Variants in SCN9A observed in about 807,000 individuals in gnomAD.
SCN9A encodes the protein sodium channel protein type 9 subunit alpha.
Under a neutral mutation model 187.0 loss-of-function variants are expected in SCN9A, and 131 were observed. The ratio of observed to expected loss-of-function variants is 0.70; its 90% CI spans 0.61 to 0.81. The LOEUF (loss-of-function observed/expected upper bound fraction) is 0.81, where lower values mean the gene tolerates loss of function less well. SCN9A is among the 30% of genes least tolerant of loss of function. The probability of loss-of-function intolerance (pLI) is 0.00; values close to 1 mark genes in which losing one functional copy is unlikely to be tolerated. For missense variants in SCN9A, 2,252 were observed against 2,396.6 expected (o/e 0.94, Z 1.26); for synonymous variants, 809 against 808.6 (o/e 1.00, Z -0.01).
At chr2:166,328,662 G>A (rs1350544512) in intron 1 of SCN9A, among the ~76,000 whole-genome samples, 9 of 152,020 alleles carry the variant, frequency 5.9e-5, no homozygotes. Flanking sequence ...CAAAAAGAAT[G>A]GAAACACAGC....
chr2:166,311,703 C>T lies in SCN9A; in HGVS notation c.54G>A (p.Gln18=). ...GPQSFVHFTK[Q]SLALIEQRIA... is the part of the protein sequence containing the mutation. ...TGCGTTGTTCAATGAGGGCAAGAGACTGTTTTGTGAAATGGACAAAGCTCT... is the reference window on the plus strand; with the variant it reads ...TGCGTTGTTCAATGAGGGCAAGAGATTGTTTTGTGAAATGGACAAAGCTCT... The change falls in exon 2 of 27, where the codon CAG becomes CAA. Residue 18 remains glutamine (Q), a synonymous_variant. Coordinates refer to ENST00000642356, the MANE Select transcript of SCN9A (RefSeq NM_001365536.1). 6.2e-7 allele frequency: 1 copy of T among 1,612,536 alleles called. No individual in the cohort carries two copies. Among genetic ancestry groups the T allele is most frequent in the East Asian group, 2.2e-5 (1 of 44,784 alleles).
chr2:166,225,796 A>G (rs1189325180), intron 24 of SCN9A, among the ~76,000 whole-genome samples: 4 of 152,158 alleles, frequency 2.6e-5, no homozygotes, highest in South Asian at 4.1e-4. Context: ...GCATGTCACT[A>G]TAATGGGAGA....
intron 26 of SCN9A, among the ~76,000 whole-genome samples, chr2:166,200,183 G>A (rs1391701572): frequency 6.7e-6 from 1 of 149,168 alleles, no homozygotes; most frequent in Admixed American, 6.7e-5. Flanking sequence ...ATTTTTAGTA[G>A]AGACGGGGTT....
chr2:166,244,252 T>C (rs1695691126), intron 18 of SCN9A, among the ~76,000 whole-genome samples: 2 of 151,956 alleles, frequency 1.3e-5, no homozygotes, highest in African/African-American at 2.4e-5. Context: ...TCTGCTGAAG[T>C]CAGAACAGTT....
At chr2:166,317,633 A>G (rs760451171) in intron 1 of SCN9A, among the ~76,000 whole-genome samples, 2 of 152,140 alleles carry the variant, frequency 1.3e-5, no homozygotes, top group Non-Finnish European at 2.9e-5. Flanking sequence ...ATGCTTATCC[A>G]TCTATGGATC....
chr2:166,277,953 T>C (rs1028783440), intron 15 of SCN9A, 187 bp downstream of exon 15: 17 of 507,044 alleles, frequency 3.4e-5, no homozygotes, highest in Non-Finnish European at 5.1e-5. Flanking sequence ...TCTTCAAAAA[T>C]TGTAAAAATA....
intron 24 of SCN9A, among the ~76,000 whole-genome samples, chr2:166,209,958 T>C (rs1185813080): frequency 6.6e-6 from 1 of 152,148 alleles, no homozygotes; most frequent in Non-Finnish European, 1.5e-5. Context: ...CATGACTGGG[T>C]ATATACCCAA....
intron 21 of SCN9A, among the ~76,000 whole-genome samples, chr2:166,229,862 A>T (rs1695006746): frequency 6.6e-6 from 1 of 152,094 alleles, no homozygotes; most frequent in African/African-American, 2.4e-5. Context: ...TTATTTACTT[A>T]ATCTTTCAAA....
intron 10 of SCN9A, among the ~76,000 whole-genome samples, chr2:166,286,893 A>G (rs924856506): frequency 6.6e-5 from 10 of 152,220 alleles, no homozygotes; most frequent in Non-Finnish European, 1.3e-4. Flanking sequence ...CAAATTAAAT[A>G]TTATATGTTA....
intron 1 of SCN9A, among the ~76,000 whole-genome samples, chr2:166,340,594 CTTT>C (rs1559051140): frequency 0.078 from 5,790 of 73,872 alleles, 296 homozygotes; most frequent in African/African-American, 0.18. Flanking sequence ...TTCTTTCTTT[CTTT>C]CTTTCTTTTT....
intron 17 of SCN9A, among the ~76,000 whole-genome samples, chr2:166,262,067 G>T (rs1298869140): frequency 6.6e-6 from 1 of 151,938 alleles, no homozygotes; most frequent in Non-Finnish European, 1.5e-5. Context: ...AAGCCAGGGA[G>T]AGCTGGATAA....
chr2:166,297,812 G>A (rs557309453), intron 7 of SCN9A, among the ~76,000 whole-genome samples: 5 of 152,102 alleles, frequency 3.3e-5, no homozygotes, highest in Admixed American at 6.5e-5. Context: ...GCAGCATAAC[G>A]GCAAAGGTTG....
chr2:166,306,244 C>A (rs976851345), intron 4 of SCN9A, among the ~76,000 whole-genome samples: 3 of 152,098 alleles, frequency 2.0e-5, no homozygotes, highest in African/African-American at 7.2e-5. Context: ...AAAACATACA[C>A]CCAAGAATAA....
chr2:166,206,695 C>T (rs1003281224), intron 24 of SCN9A, among the ~76,000 whole-genome samples: 2 of 151,926 alleles, frequency 1.3e-5, no homozygotes, highest in Non-Finnish European at 2.9e-5. Flanking sequence ...CATACAATAA[C>T]CAAAATTGTA....
intron 18 of SCN9A, among the ~76,000 whole-genome samples, chr2:166,250,187 T>C (rs1695973793): frequency 6.6e-6 from 1 of 152,108 alleles, no homozygotes; most frequent in Non-Finnish European, 1.5e-5. Context: ...CCCATGAATG[T>C]TATAAGAAAC....
intron 20 of SCN9A, among the ~76,000 whole-genome samples, chr2:166,234,524 A>G (rs1477884835): frequency 6.6e-6 from 1 of 152,222 alleles, no homozygotes; most frequent in African/African-American, 2.4e-5. Flanking sequence ...AGAGACAGGT[A>G]AACTGACTGA....
At chr2:166,303,336 A>G in intron 6 of SCN9A, 34 bp from the exon 7 acceptor site, 1 of 1,542,542 alleles carries the variant, frequency 6.5e-7, no homozygotes, top group South Asian at 1.2e-5. Flanking sequence ...TTGTAATGAC[A>G]TAAAGCCTCT....
chr2:166,218,100 G>C (rs1182958951), intron 24 of SCN9A, among the ~76,000 whole-genome samples: 3 of 151,854 alleles, frequency 2.0e-5, no homozygotes, highest in Non-Finnish European at 4.4e-5. Context: ...AATGAATAAA[G>C]AAAATGTGAT....
chr2:166,314,488 G>A (rs1179649706), intron 1 of SCN9A, among the ~76,000 whole-genome samples: 1 of 152,126 alleles, frequency 6.6e-6, no homozygotes, highest in Non-Finnish European at 1.5e-5. Flanking sequence ...TAAAACATAT[G>A]TCCACACAAG....
Sources: allele counts gnomAD v4.1 joint callset (sites outside exome capture counted in the v4.1 genomes callset), GRCh38; gene constraint gnomAD v4.1.1; transcripts MANE v1.5; gene names NCBI Gene and HGNC (gene_info 2026-07-23, HGNC 2026-07-21).